Variants in NAV2 observed in about 807,000 individuals in gnomAD.
NAV2 encodes the protein neuron navigator 2.
NAV2 carries 54 observed loss-of-function variants against 223.2 expected under a neutral mutation model. The ratio of observed to expected loss-of-function variants is 0.24; its 90% CI spans 0.19 to 0.30. The LOEUF is 0.30. NAV2 is among the 10% of genes least tolerant of loss of function. The pLI, the probability that NAV2 is intolerant of heterozygous loss-of-function variation, is 1.00. For synonymous variants in NAV2, 1,279 were observed against 1,239.3 expected, an observed-to-expected ratio of 1.03 and a Z score of -0.67; for missense variants, 2,806 against 3,147.5, an observed-to-expected ratio of 0.89 and a Z score of 2.60.
intron 4 of NAV2, among the ~76,000 whole-genome samples, chr11:19,871,677 C>T (rs377583238): frequency 3.9e-5 from 6 of 152,288 alleles, no homozygotes; most frequent in East Asian, 1.9e-4. Flanking sequence ...TTTCCACTTG[C>T]AGTGGGTGGA....
intron 25 of NAV2, among the ~76,000 whole-genome samples, chr11:20,080,544 A>G (rs1002405786): frequency 2.2e-5 from 3 of 139,166 alleles, no homozygotes; most frequent in Non-Finnish European, 3.1e-5. Flanking sequence ...AGTTATTCTT[A>G]AATGGTTTCT....
intron 1 of NAV2, among the ~76,000 whole-genome samples, chr11:19,417,504 A>C (rs1385533634): frequency 6.6e-6 from 1 of 152,248 alleles, no homozygotes; most frequent in East Asian, 1.9e-4. Context: ...GTGGGATTGT[A>C]AATTAGTTCA....
In NAV2 at chr11:20,118,260, A is replaced by G; in HGVS notation, c.*2A>G. ...TCCTCTTTGGAGTCCACTCTGTGAC[A>G]GGGGCCCGGAGCCCAGCGCCCTCCT... is the stretch of plus-strand genomic sequence containing the variant. On this transcript the variant is annotated 3_prime_UTR_variant, in exon 38 of 38. Transcript: ENST00000349880. 1.2e-6 allele frequency: 2 copies of G among 1,613,704 alleles called. No individual in the cohort carries two copies. Among genetic ancestry groups the G allele is most frequent in the Admixed American group, 3.3e-5 (2 of 60,020 alleles).
intron 11 of NAV2, among the ~76,000 whole-genome samples, chr11:20,008,969 G>A (rs977364094): frequency 4.6e-5 from 7 of 151,972 alleles, no homozygotes; most frequent in African/African-American, 7.3e-5. Flanking sequence ...CTCTAACTAC[G>A]TTTCCTTCTT....
At chr11:19,545,709 G>T in intron 1 of NAV2, among the ~76,000 whole-genome samples, 1 of 152,242 alleles carries the variant, frequency 6.6e-6, no homozygotes, top group African/African-American at 2.4e-5. Context: ...GGCTTTAAAT[G>T]CAGCCCAACA....
chr11:19,418,807 C>T (rs2729922), intron 1 of NAV2, among the ~76,000 whole-genome samples: 106,436 of 151,988 alleles, frequency 0.7, 37,331 homozygotes, highest in Admixed American at 0.73. Context: ...GTTGCATCTG[C>T]TATATAGCTG....
intron 1 of NAV2, among the ~76,000 whole-genome samples, chr11:19,541,086 G>C (rs574816725): frequency 3.3e-5 from 5 of 152,214 alleles, no homozygotes; most frequent in Non-Finnish European, 7.3e-5. Context: ...AAACACATTA[G>C]ACTTTGTTAA....
intron 6 of NAV2, among the ~76,000 whole-genome samples, chr11:19,926,140 G>C (rs1267143417): frequency 6.6e-6 from 1 of 152,128 alleles, no homozygotes; most frequent in Non-Finnish European, 1.5e-5. Context: ...TTTTGATAAG[G>C]ATTGCATTAA....
chr11:19,571,090 A>C (rs914352053), intron 1 of NAV2, among the ~76,000 whole-genome samples: 1 of 152,372 alleles, frequency 6.6e-6, no homozygotes, highest in South Asian at 2.1e-4. Flanking sequence ...ATACAATGGA[A>C]TATTATTCAG....
chr11:19,941,570 TCTTA>T (rs2046407056), intron 8 of NAV2, among the ~76,000 whole-genome samples: 1 of 152,178 alleles, frequency 6.6e-6, no homozygotes, highest in East Asian at 1.9e-4. Context: ...TAGTTCTTCC[TCTTA>T]CTTATGCAAA....
chr11:20,059,250 G>A (rs112093942), intron 19 of NAV2, among the ~76,000 whole-genome samples: 5,827 of 152,182 alleles, frequency 0.038, 335 homozygotes, highest in African/African-American at 0.13. Flanking sequence ...GAAGTAGATC[G>A]TGATGCCTAG....
upstream of NAV2, among the ~76,000 whole-genome samples, chr11:19,708,799 C>A (rs1344965618): frequency 2.0e-5 from 3 of 149,906 alleles, no homozygotes; most frequent in African/African-American, 7.4e-5. Flanking sequence ...GGTGATTCTG[C>A]AAGTTCTGAG....
intron 1 of NAV2, among the ~76,000 whole-genome samples, chr11:19,796,204 A>G (rs928569468): frequency 7.2e-5 from 11 of 152,224 alleles, no homozygotes; most frequent in African/African-American, 2.7e-4. Context: ...TCTGGAAGAA[A>G]AGAAATGAGA....
At chr11:19,800,096 A>T (rs146549271) in intron 1 of NAV2, among the ~76,000 whole-genome samples, 186 of 152,292 alleles carry the variant, frequency 1.2e-3, no homozygotes, top group African/African-American at 4.2e-3. Context: ...TGCAGGTATG[A>T]CATTAGTGAT....
rs534363671 is a variant in NAV2 at position 19,879,691 on chromosome 11, C to T, written c.512-178C>T. On this transcript the variant is annotated intron_variant, in intron 4 of 37. Transcript: ENST00000349880. Reference sequence around the variant, plus strand: ...CCTGTATCCACTCCAATCCTAATGGCGAGAATAAGCTAATTTCTTTGTGGT... The same window carrying T: ...CCTGTATCCACTCCAATCCTAATGGTGAGAATAAGCTAATTTCTTTGTGGT... Among the ~76,000 whole-genome samples, 10 of 152,238 alleles carry T rather than the reference C, an allele frequency of 6.6e-5. No homozygotes were observed. The East Asian group carries it at 1.2e-3, about 18-fold the overall frequency.
intron 1 of NAV2, among the ~76,000 whole-genome samples, chr11:19,792,061 A>G (rs1490686947): frequency 1.3e-5 from 2 of 152,204 alleles, no homozygotes; most frequent in East Asian, 3.8e-4. Context: ...ATTGTTCTGC[A>G]CATGTGTGAC....
intron 1 of NAV2, among the ~76,000 whole-genome samples, chr11:19,397,594 G>A (rs1428859910): frequency 6.6e-6 from 1 of 152,060 alleles, no homozygotes; most frequent in Non-Finnish European, 1.5e-5. Flanking sequence ...ATTTTTGCAT[G>A]TATATTTAAT....
intron 1 of NAV2, among the ~76,000 whole-genome samples, chr11:19,730,680 A>G (rs892822964): frequency 6.6e-6 from 1 of 152,220 alleles, no homozygotes; most frequent in East Asian, 1.9e-4. Context: ...TCCTCAGGCT[A>G]CAGCCGCTCT....
chr11:20,108,556 C>A (rs1233096215), intron 36 of NAV2, among the ~76,000 whole-genome samples: 1 of 151,950 alleles, frequency 6.6e-6, no homozygotes, highest in Non-Finnish European at 1.5e-5. Flanking sequence ...AGTTCTCGTG[C>A]CTCAGCCTCC....
Sources: gnomAD v4.1 joint callset for allele counts (sites outside exome capture counted in the v4.1 genomes callset) on GRCh38, gnomAD v4.1.1 for gene constraint, MANE v1.5 for transcripts, NCBI Gene and HGNC (gene_info 2026-07-23, HGNC 2026-07-21) for gene names.